Variants in APP observed in about 807,000 individuals in gnomAD.
APP encodes the protein amyloid beta precursor protein.
APP carries 31 observed loss-of-function variants against 101.4 expected under a neutral mutation model. The ratio of observed to expected loss-of-function variants is 0.31; its 90% CI spans 0.23 to 0.41. The LOEUF is 0.41. APP is among the 10% of genes least tolerant of loss of function. APP has a pLI of 1.00. For missense variants in APP, 839 were observed against 1,003.7 expected (o/e 0.84, Z 2.22); for synonymous variants, 366 against 364.4 (o/e 1.00, Z -0.05).
chr21:25,944,284 TCG>T (rs1211548379), intron 13 of APP, among the ~76,000 whole-genome samples: 5 of 152,204 alleles, frequency 3.3e-5, no homozygotes, highest in Non-Finnish European at 5.9e-5. Context: ...CGTTTCATGC[TCG>T]AAGTCCAAAG....
At chr21:26,014,601 C>A (rs2043970079) in intron 6 of APP, among the ~76,000 whole-genome samples, 1 of 152,184 alleles carries the variant, frequency 6.6e-6, no homozygotes, top group Admixed American at 6.5e-5. Context: ...TCATCCCTCT[C>A]AAGGACAATG....
At chr21:25,969,956 A>AGGAG (rs1270283360) in intron 11 of APP, among the ~76,000 whole-genome samples, 1 of 37,462 alleles carries the variant, frequency 2.7e-5, no homozygotes, top group Admixed American at 3.0e-4. Context: ...GGAAGAAGGA[A>AGGAG]GGAGGGAGGG....
chr21:26,142,288 CTGCACCACCACACAG>C (rs2063063100), intron 1 of APP, among the ~76,000 whole-genome samples: 1 of 152,186 alleles, frequency 6.6e-6, no homozygotes, highest in Non-Finnish European at 1.5e-5. Flanking sequence ...ACTTAAGAGG[CTGCACCACCACACAG>C]CCCTCACTCG....
chr21:26,169,706 C>CTGAG (rs1420043778), intron 1 of APP, among the ~76,000 whole-genome samples: 1 of 152,250 alleles, frequency 6.6e-6, no homozygotes, highest in African/African-American at 2.4e-5. Context: ...CGGTGGCGCA[C>CTGAG]TGAGACTAAC....
At chr21:25,979,764 T>G (rs889274489) in intron 9 of APP, among the ~76,000 whole-genome samples, 1 of 151,122 alleles carries the variant, frequency 6.6e-6, no homozygotes, top group Non-Finnish European at 1.5e-5. Context: ...AGGTCAAAAA[T>G]GAACAAGATA....
At chr21:26,141,054 A>C (rs560465686) in intron 1 of APP, among the ~76,000 whole-genome samples, 1 of 152,344 alleles carries the variant, frequency 6.6e-6, no homozygotes, top group Admixed American at 6.5e-5. Flanking sequence ...TGGAGTATCT[A>C]TCTCATGGAG....
chr21:26,167,035 T>C (rs1035980251), intron 1 of APP, among the ~76,000 whole-genome samples: 1 of 152,184 alleles, frequency 6.6e-6, no homozygotes, highest in African/African-American at 2.4e-5. Flanking sequence ...TCCCCAGACC[T>C]GGGATATAAA....
At chr21:26,147,586 T>C (rs945209705) in intron 1 of APP, among the ~76,000 whole-genome samples, 2 of 147,388 alleles carry the variant, frequency 1.4e-5, no homozygotes, top group Admixed American at 1.4e-4. Context: ...TACAGTTTCT[T>C]AAGAAGATGT....
At chr21:25,946,852 G>C (rs1164166244) in intron 13 of APP, among the ~76,000 whole-genome samples, 1 of 152,044 alleles carries the variant, frequency 6.6e-6, no homozygotes, top group Non-Finnish European at 1.5e-5. Context: ...TCAAATTTCT[G>C]CCAGCGTCCA....
chr21:26,064,500 T>C (rs1310508566), intron 3 of APP, among the ~76,000 whole-genome samples: 1 of 152,184 alleles, frequency 6.6e-6, no homozygotes, highest in Non-Finnish European at 1.5e-5. Flanking sequence ...GCAATGTGGA[T>C]GGCACCAGGT....
At chr21:26,125,232 T>C (rs1601523877) in intron 1 of APP, among the ~76,000 whole-genome samples, 1 of 152,136 alleles carries the variant, frequency 6.6e-6, no homozygotes, top group Non-Finnish European at 1.5e-5. Flanking sequence ...AAGAGCAGCA[T>C]CCCACCAGTG....
At position 26,103,864 on chromosome 21, in the gene APP, C is replaced by CTT. The variant is rs1468321080; in HGVS notation, c.225+8113_225+8114dup. ...CCTAGAAATGTTAATTCTCACAACA[C>CTT]TTTGGGTCTGTAGGGCTTTTGCCTA... is the stretch of plus-strand genomic sequence containing the variant. On this transcript the variant is annotated intron_variant, in intron 2 of 17. Coordinates refer to ENST00000346798, the MANE Select transcript of APP (RefSeq NM_000484.4). 2.0e-5 allele frequency among the ~76,000 whole-genome samples: 3 copies of CTT among 152,338 alleles called. No individual in the cohort carries two copies. In the South Asian group the frequency reaches 6.2e-4, roughly 32 times the overall value.
At chr21:26,005,564 G>C (rs1249128213) in intron 6 of APP, among the ~76,000 whole-genome samples, 1 of 152,144 alleles carries the variant, frequency 6.6e-6, no homozygotes, top group Non-Finnish European at 1.5e-5. Context: ...CTAGCAATGG[G>C]ATATTAGTAA....
At chr21:26,109,669 T>A (rs1487618534) in intron 2 of APP, among the ~76,000 whole-genome samples, 1 of 152,066 alleles carries the variant, frequency 6.6e-6, no homozygotes, top group African/African-American at 2.4e-5. Flanking sequence ...CAGGCATTAG[T>A]AGGATCTCTA....
At chr21:25,914,274 T>C (rs551976565) in intron 13 of APP, among the ~76,000 whole-genome samples, 24 of 152,038 alleles carry the variant, frequency 1.6e-4, no homozygotes, top group African/African-American at 5.3e-4. Context: ...CCTAGGAATA[T>C]GATTACTTTT....
In APP at chr21:25,880,679, T is replaced by G. The variant is rs542107566; in HGVS notation, c.*991A>C. The G allele has an allele frequency of 5.9e-5, 9 of 152,366 alleles. No individual in the cohort carries two copies. Among genetic ancestry groups the G allele is most frequent in the Admixed American group, 5.9e-4 (9 of 15,306 alleles). 9.4% of individuals were successfully genotyped at this position (152,366 alleles called of 1,614,324 possible). A position where few individuals can be genotyped will look rare whatever the true frequency, so the allele number is the denominator to read the frequency against. ...TATATTGCCACTTCCATTTTCATCT[T>G]CTTTTGTATCATAAATGAAACTTCA... On this transcript the variant is annotated 3_prime_UTR_variant, in exon 18 of 18. Transcript: ENST00000346798.
At chr21:26,096,783 C>CA (rs1309448031) in intron 2 of APP, among the ~76,000 whole-genome samples, 1 of 151,838 alleles carries the variant, frequency 6.6e-6, no homozygotes, top group Non-Finnish European at 1.5e-5. Flanking sequence ...CTCAAAAAAA[C>CA]AAAAAACAAA....
chr21:25,929,663 G>T (rs1176501693), intron 13 of APP, among the ~76,000 whole-genome samples: 1 of 152,110 alleles, frequency 6.6e-6, no homozygotes, highest in Non-Finnish European at 1.5e-5. Context: ...CGTGAGGTTT[G>T]CTACGTCTAT....
chr21:26,093,435 C>A (rs1225751758), intron 2 of APP, among the ~76,000 whole-genome samples: 4 of 152,174 alleles, frequency 2.6e-5, no homozygotes, highest in Admixed American at 1.3e-4. Flanking sequence ...ATATTCACAT[C>A]ATGGTTCCCT....
Sources: allele counts gnomAD v4.1 joint callset (sites outside exome capture counted in the v4.1 genomes callset), GRCh38; gene constraint gnomAD v4.1.1; transcripts MANE v1.5; gene names NCBI Gene and HGNC (gene_info 2026-07-23, HGNC 2026-07-21).